EDEM1: variants seen among roughly 807,000 people sequenced by gnomAD.
EDEM1 encodes the protein ER degradation enhancing alpha-mannosidase like protein 1.
A neutral mutation model predicts 74.4 loss-of-function variants in EDEM1; 67 were observed. The observed-to-expected ratio is 0.90, with a 90% CI of 0.74 to 1.10. The LOEUF (loss-of-function observed/expected upper bound fraction) is 1.10, where lower values mean the gene tolerates loss of function less well. Among genes scored for constraint, EDEM1 ranks in the 50% least tolerant of loss-of-function variants. The probability of loss-of-function intolerance (pLI) is 0.00; values close to 1 mark genes in which losing one functional copy is unlikely to be tolerated. For missense variants in EDEM1, 926 were observed against 851.6 expected, an observed-to-expected ratio of 1.09 and a Z score of -1.09; for synonymous variants, 382 against 335.9, an observed-to-expected ratio of 1.14 and a Z score of -1.50.
intron 2 of EDEM1, among the ~76,000 whole-genome samples, chr3:5,199,166 A>G (rs1466429333): frequency 6.6e-6 from 1 of 152,360 alleles, no homozygotes; most frequent in East Asian, 1.9e-4. Flanking sequence ...CTGGGAGCCA[A>G]GCACCCAAGC....
At chr3:5,194,855 C>A (rs1464990142) in intron 1 of EDEM1, among the ~76,000 whole-genome samples, 1 of 152,100 alleles carries the variant, frequency 6.6e-6, no homozygotes, top group African/African-American at 2.4e-5. Context: ...TCTTTAGTTC[C>A]TAATGATTGT....
At chr3:5,191,673 A>G (rs912552275) in intron 1 of EDEM1, among the ~76,000 whole-genome samples, 2 of 152,222 alleles carry the variant, frequency 1.3e-5, no homozygotes, top group Admixed American at 1.3e-4. Flanking sequence ...CTGTAGTCAT[A>G]TATGCTCCAA....
chr3:5,188,857 C>T (rs193149486), intron 1 of EDEM1, among the ~76,000 whole-genome samples: 446 of 152,320 alleles, frequency 2.9e-3, no homozygotes, highest in Non-Finnish European at 4.1e-3. Flanking sequence ...GTTACAGCCT[C>T]TCCTTCACAG....
Position 5,188,197 on chromosome 3 carries a change from G to A in EDEM1, c.392G>A (p.Arg131His). The A allele has an allele frequency of 1.9e-6, 3 of 1,577,984 alleles. No individual in the cohort carries two copies. The highest frequency in any genetic ancestry group is 2.6e-6 in the Non-Finnish European group (3 of 1,164,092). The change falls in exon 1 of 12, where the codon CGC becomes CAC. Residue 131 changes from arginine (R) to histidine (H), a missense_variant. Transcript: ENST00000256497. Reference protein sequence around the residue: ...AFPPQLRAQMRDLARGMFVFG... With the variant: ...AFPPQLRAQMHDLARGMFVFG... ...CCTCCGCAGCTGCGTGCCCAGATGCGCGACCTGGCACGGGGCATGTTCGTC... is the reference window on the plus strand; with the variant it reads ...CCTCCGCAGCTGCGTGCCCAGATGCACGACCTGGCACGGGGCATGTTCGTC...
At chr3:5,215,758 A>T in intron 11 of EDEM1, 71 bp from the exon 12 acceptor site, 2 of 1,363,532 alleles carry the variant, frequency 1.5e-6, no homozygotes, top group African/African-American at 1.4e-5. Flanking sequence ...CCCTGGATTA[A>T]GTCATCCAGT....
At chr3:5,204,736 A>G (rs1241294972) in intron 5 of EDEM1, among the ~76,000 whole-genome samples, 1 of 152,184 alleles carries the variant, frequency 6.6e-6, no homozygotes, top group Non-Finnish European at 1.5e-5. Context: ...AATTCCCAGG[A>G]ATGGCAGTAC....
chr3:5,214,342 G>A (rs897889489), intron 11 of EDEM1, among the ~76,000 whole-genome samples: 1 of 152,184 alleles, frequency 6.6e-6, no homozygotes, highest in Non-Finnish European at 1.5e-5. Context: ...TTGGCATTAG[G>A]GGTGCCCTCT....
intron 1 of EDEM1, among the ~76,000 whole-genome samples, chr3:5,191,597 G>T (rs181585130): frequency 6.6e-6 from 1 of 152,122 alleles, no homozygotes; most frequent in Non-Finnish European, 1.5e-5. Context: ...GAGTGAATTT[G>T]CCATTAGAGT....
chr3:5,210,302 A>G lies in EDEM1; in HGVS notation c.1583+54A>G. On this transcript the variant is annotated intron_variant, in intron 9 of 11. Transcript: ENST00000256497. ...TGTCAGCCACTTTTAATTTATTTCA[A>G]ATTGTTTTGGGGAAATATCCTAGTT... The G allele has an allele frequency of 1.3e-6, 2 of 1,517,934 alleles. 1 individual carries two copies. The highest frequency in any genetic ancestry group is 2.7e-5 in the African/African-American group (2 of 72,880). The allele number at this position is 1,517,934 out of a possible 1,614,324, so 94.0% of individuals were successfully genotyped here. A position where few individuals can be genotyped will look rare whatever the true frequency, so the allele number is the denominator to read the frequency against.
intron 1 of EDEM1, among the ~76,000 whole-genome samples, chr3:5,190,255 A>G (rs1306399869): frequency 6.6e-6 from 1 of 152,230 alleles, no homozygotes; most frequent in East Asian, 1.9e-4. Context: ...TCTTGGTATT[A>G]CAAGAAGGGA....
intron 6 of EDEM1, 57 bp downstream of exon 6, chr3:5,205,298 A>T (rs1379145809): frequency 6.5e-7 from 1 of 1,534,098 alleles, no homozygotes; most frequent in African/African-American, 1.4e-5. Flanking sequence ...ATGCATTCTG[A>T]AGCGTTTGTA....
In EDEM1 at chr3:5,205,084, C is replaced by T; in HGVS notation, c.1060C>T (p.Gln354Ter). Residue 354 changes from glutamine to a stop codon, truncating the protein, a stop_gained, in exon 6 of 12, where the codon CAG (glutamine) becomes TAG (stop). Transcript: ENST00000256497. LOFTEE classifies it high-confidence loss of function. ...TGLLGNVVNI[Q>*]TGHWVGKQSG... ...TTTTGCAGGCAATGTCGTGAACATT[C>T]AGACGGGCCACTGGGTTGGAAAGCA... is the stretch of plus-strand genomic sequence containing the variant. 1 of 1,614,060 alleles carries T rather than the reference C, an allele frequency of 6.2e-7. No individual in the cohort carries two copies. Among genetic ancestry groups the T allele is most frequent in the South Asian group, 1.1e-5 (1 of 91,074 alleles).
rs986252433 is a variant in EDEM1, at chr3:5,218,998, CTG to C, written c.*3083_*3084del. On this transcript the variant is annotated 3_prime_UTR_variant, in exon 12 of 12. Coordinates refer to ENST00000256497, the MANE Select transcript of EDEM1 (RefSeq NM_014674.3). ...AAAGAAAAATGCACCAGGATGGTGT[CTG>C]TGCACGTGACTATTAGAGGAGCGTC... 16 of 152,070 alleles carry C rather than the reference CTG, an allele frequency of 1.1e-4. No individual in the cohort carries two copies. Among genetic ancestry groups the C allele is most frequent in the African/African-American group, 3.9e-4 (16 of 41,492 alleles). 9.4% of individuals were successfully genotyped at this position (152,070 alleles called of 1,614,324 possible).
rs563371371 is a variant in EDEM1 at position 5,211,134 on chromosome 3, C to T, written c.1598C>T (p.Thr533Met). Residue 533 changes from threonine (T) to methionine (M), a missense_variant, in exon 10 of 12, where the codon ACG becomes ATG. Physicochemically the swap from Thr to Met is moderately conservative, Grantham distance 81. Coordinates refer to ENST00000256497, the MANE Select transcript of EDEM1 (RefSeq NM_014674.3). ...KYTKVKCGYA[T>M]LHHVIDKSTE... ...TTGTTTTGTAGGTGTGGGTACGCCACGCTGCATCACGTCATTGACAAGTCC... is the reference window on the plus strand; with the variant it reads ...TTGTTTTGTAGGTGTGGGTACGCCATGCTGCATCACGTCATTGACAAGTCC... 6 of 1,614,138 alleles carry T rather than the reference C, an allele frequency of 3.7e-6. No individual in the cohort carries two copies. In the Admixed American group the frequency reaches 6.7e-5, roughly 18 times the overall value.
chr3:5,215,128 G>A (rs2055216913), intron 11 of EDEM1, among the ~76,000 whole-genome samples: 1 of 152,128 alleles, frequency 6.6e-6, no homozygotes, highest in Admixed American at 6.5e-5. Context: ...GATCTTGCCA[G>A]GGATGAGGAG....
At chr3:5,204,557 A>AT (rs947239201) in intron 5 of EDEM1, among the ~76,000 whole-genome samples, 1 of 151,816 alleles carries the variant, frequency 6.6e-6, no homozygotes, top group Admixed American at 6.6e-5. Flanking sequence ...CACCCAGCAA[A>AT]TTTTTTGTAT....
chr3:5,189,871 T>A (rs909094314), intron 1 of EDEM1, among the ~76,000 whole-genome samples: 6 of 152,248 alleles, frequency 3.9e-5, no homozygotes, highest in African/African-American at 1.4e-4. Context: ...AGTGCTGGGA[T>A]TACAGGCGTG....
chr3:5,193,855 C>T (rs1256354492), intron 1 of EDEM1, among the ~76,000 whole-genome samples: 1 of 152,216 alleles, frequency 6.6e-6, no homozygotes, highest in Non-Finnish European at 1.5e-5. Flanking sequence ...ACCTCGGCCT[C>T]CCAAAGTGCT....
chr3:5,190,685 A>G (rs2054891417), intron 1 of EDEM1, among the ~76,000 whole-genome samples: 1 of 152,098 alleles, frequency 6.6e-6, no homozygotes, highest in African/African-American at 2.4e-5. Context: ...GGAGGTGGGG[A>G]TGGCATTAGG....
Sources: allele counts gnomAD v4.1 joint callset (sites outside exome capture counted in the v4.1 genomes callset), GRCh38; gene constraint gnomAD v4.1.1; transcripts MANE v1.5; gene names NCBI Gene and HGNC (gene_info 2026-07-23, HGNC 2026-07-21).